CSMD1: variants seen among roughly 807,000 people sequenced by gnomAD.
CSMD1 encodes CUB and Sushi multiple domains 1.
Under a neutral mutation model 417.5 loss-of-function variants are expected in CSMD1, and 213 were observed. That is an observed-to-expected ratio of 0.51 (90% CI 0.46 to 0.57). The LOEUF (loss-of-function observed/expected upper bound fraction) is 0.57. CSMD1 is among the 20% of genes least tolerant of loss of function. The pLI is 0.00. For missense variants in CSMD1, 6,923 were observed against 4,529.7 expected (o/e 1.53, Z -15.17); for synonymous variants, 2,862 against 1,736.8 (o/e 1.65, Z -16.11).
chr8:3,014,059 C>G (rs75705962), intron 52 of CSMD1, among the ~76,000 whole-genome samples: 14,091 of 152,094 alleles, frequency 0.093, 702 homozygotes, highest in African/African-American at 0.13. Flanking sequence ...TATTTCTACT[C>G]TGAGAAAAAT....
intron 10 of CSMD1, among the ~76,000 whole-genome samples, chr8:3,494,706 G>C (rs1023173884): frequency 2.0e-5 from 3 of 151,502 alleles, no homozygotes; most frequent in African/African-American, 7.3e-5. Flanking sequence ...ATGAGAGAGA[G>C]AGAGATGTAA....
intron 41 of CSMD1, among the ~76,000 whole-genome samples, chr8:3,123,122 G>C (rs934204229): frequency 2.6e-5 from 4 of 152,180 alleles, no homozygotes; most frequent in Non-Finnish European, 5.9e-5. Flanking sequence ...AGAAATCTAA[G>C]CTGATAAATG....
intron 1 of CSMD1, among the ~76,000 whole-genome samples, chr8:4,772,220 A>T (rs1796637418): frequency 6.6e-6 from 1 of 152,178 alleles, no homozygotes. Context: ...TTCCAGCAGC[A>T]GCCTGGGCTC....
intron 36 of CSMD1, among the ~76,000 whole-genome samples, chr8:3,182,611 T>TA (rs1821417000): frequency 1.6e-5 from 1 of 63,888 alleles, no homozygotes. Flanking sequence ...TGTGTGTGTG[T>TA]GTGTGTGTGT....
chr8:3,695,248 G>A (rs1184160477), intron 7 of CSMD1, among the ~76,000 whole-genome samples: 1 of 152,112 alleles, frequency 6.6e-6, no homozygotes, highest in East Asian at 1.9e-4. Flanking sequence ...TTTGGAACAT[G>A]GGCAAGGATA....
chr8:4,068,658 A>G (rs895210993), intron 3 of CSMD1, among the ~76,000 whole-genome samples: 1 of 152,238 alleles, frequency 6.6e-6, no homozygotes, highest in Non-Finnish European at 1.5e-5. Flanking sequence ...TTTAAGATAA[A>G]AAAAATGGAA....
chr8:4,945,333 T>G lies in CSMD1; in HGVS notation c.85+48999A>C, dbSNP rs189776724. Among the ~76,000 whole-genome samples the G allele has an allele frequency of 2.6e-5, 4 of 152,258 alleles. No individual in the cohort carries two copies. In the East Asian group the frequency reaches 7.7e-4, roughly 29 times the overall value. Reference sequence around the variant, plus strand: ...CCTGGAGATGGATGATGTGGTTGATTGCACAGCCATGTGAAGATACATAAC... The same window carrying G: ...CCTGGAGATGGATGATGTGGTTGATGGCACAGCCATGTGAAGATACATAAC... On this transcript the variant is annotated intron_variant, in intron 1 of 69. Transcript: ENST00000635120.
intron 2 of CSMD1, among the ~76,000 whole-genome samples, chr8:4,501,801 C>G (rs1251798532): frequency 6.6e-6 from 1 of 152,064 alleles, no homozygotes; most frequent in Non-Finnish European, 1.5e-5. Context: ...TTATAACATG[C>G]AAGCGTAGTG....
At chr8:4,462,010 G>C (rs969046784) in intron 2 of CSMD1, among the ~76,000 whole-genome samples, 2 of 151,880 alleles carry the variant, frequency 1.3e-5, no homozygotes, top group Non-Finnish European at 2.9e-5. Flanking sequence ...CAAATTGCTG[G>C]GATTACAGGC....
chr8:3,989,469 C>G (rs940557627), intron 5 of CSMD1, among the ~76,000 whole-genome samples: 24 of 152,174 alleles, frequency 1.6e-4, no homozygotes, highest in African/African-American at 4.6e-4. Flanking sequence ...TGTGGTAACA[C>G]AGACAAAAAA....
intron 41 of CSMD1, among the ~76,000 whole-genome samples, chr8:3,118,919 GCCTGTAATCCCAGCACT>G (rs148990628): frequency 0.06 from 9,073 of 152,230 alleles, 399 homozygotes; most frequent in Non-Finnish European, 0.091. Flanking sequence ...GGTGGCTCAC[GCCTGTAATCCCAGCACT>G]CTGGGAGGCC....
At chr8:3,956,538 G>A (rs2740853) in intron 5 of CSMD1, among the ~76,000 whole-genome samples, 13,379 of 152,164 alleles carry the variant, frequency 0.088, 689 homozygotes, top group Middle Eastern at 0.14. Flanking sequence ...TAAAAATAAT[G>A]GCTACTTTTT....
intron 37 of CSMD1, among the ~76,000 whole-genome samples, chr8:3,168,865 G>C (rs907984182): frequency 2.0e-5 from 3 of 152,098 alleles, no homozygotes; most frequent in African/African-American, 4.8e-5. Flanking sequence ...GCATAAAGGA[G>C]TGCATGTCTG....
chr8:3,040,415 A>ATAT (rs1811008866), intron 50 of CSMD1, among the ~76,000 whole-genome samples: 3 of 118,568 alleles, frequency 2.5e-5, no homozygotes, highest in Non-Finnish European at 3.9e-5. Context: ...TATATATATA[A>ATAT]CAGAAATATA....
chr8:4,493,254 C>T (rs1801798505), intron 2 of CSMD1, among the ~76,000 whole-genome samples: 1 of 151,978 alleles, frequency 6.6e-6, no homozygotes, highest in Non-Finnish European at 1.5e-5. Context: ...ATTGTCTTAA[C>T]AAATAATTGT....
At chr8:4,011,506 G>A (rs944390845) in intron 4 of CSMD1, among the ~76,000 whole-genome samples, 2 of 152,072 alleles carry the variant, frequency 1.3e-5, no homozygotes, top group African/African-American at 2.4e-5. Context: ...ACTTGAGTCA[G>A]AGTTTCACCC....
chr8:4,547,584 A>C (rs538129806), intron 2 of CSMD1, among the ~76,000 whole-genome samples: 1 of 152,316 alleles, frequency 6.6e-6, no homozygotes, highest in South Asian at 2.1e-4. Flanking sequence ...CTATCTCTCA[A>C]GTAATGCCTG....
At chr8:4,638,282 CA>C (rs1313913462) in intron 1 of CSMD1, among the ~76,000 whole-genome samples, 1 of 152,136 alleles carries the variant, frequency 6.6e-6, no homozygotes, top group Non-Finnish European at 1.5e-5. Context: ...AAACTATATA[CA>C]TACACACCTA....
chr8:3,543,455 T>A (rs1394268309), intron 10 of CSMD1, among the ~76,000 whole-genome samples: 3 of 152,120 alleles, frequency 2.0e-5, no homozygotes, highest in African/African-American at 4.8e-5. Context: ...AGGAGAGATT[T>A]GCAATAATCT....
Sources: allele counts gnomAD v4.1 joint callset (sites outside exome capture counted in the v4.1 genomes callset), GRCh38; gene constraint gnomAD v4.1.1; transcripts MANE v1.5; gene names NCBI Gene and HGNC (gene_info 2026-07-23, HGNC 2026-07-21).